The following TMEM232 variants were observed in gnomAD, a reference collection of about 807,000 sequenced individuals.
The protein encoded by TMEM232 is transmembrane protein 232.
TMEM232 carries 80 observed loss-of-function variants against 78.8 expected under a neutral mutation model. The observed-to-expected ratio is 1.01, with a 90% CI of 0.85 to 1.22. The LOEUF (loss-of-function observed/expected upper bound fraction) is 1.22, where lower values mean the gene tolerates loss of function less well. Among genes scored for constraint, TMEM232 ranks in the 50% most tolerant of loss-of-function variants. The probability of loss-of-function intolerance (pLI) is 0.00; values close to 1 mark genes in which losing one functional copy is unlikely to be tolerated. For synonymous variants in TMEM232, 297 were observed against 254.3 expected, an observed-to-expected ratio of 1.17 and a Z score of -1.60; for missense variants, 881 against 742.2, an observed-to-expected ratio of 1.19 and a Z score of -2.17.
intron 12 of TMEM232, among the ~76,000 whole-genome samples, chr5:110,493,825 A>G (rs767560061): frequency 6.6e-6 from 1 of 151,842 alleles, no homozygotes; most frequent in Non-Finnish European, 1.5e-5. Flanking sequence ...GTGCATGTGC[A>G]GAACATGCAG....
At chr5:110,639,137 T>C (rs1786317006) in intron 4 of TMEM232, among the ~76,000 whole-genome samples, 1 of 151,806 alleles carries the variant, frequency 6.6e-6, no homozygotes, top group South Asian at 2.1e-4. Context: ...AATGAGTAAG[T>C]AGGGAGGTAG....
At chr5:110,702,509 G>A (rs946920909) in intron 1 of TMEM232, among the ~76,000 whole-genome samples, 1 of 151,916 alleles carries the variant, frequency 6.6e-6, no homozygotes, top group African/African-American at 2.4e-5. Flanking sequence ...TTAGCAGACT[G>A]GATTCTTAAG....
chr5:110,638,977 G>T (rs1258250721), intron 4 of TMEM232, among the ~76,000 whole-genome samples: 4 of 152,094 alleles, frequency 2.6e-5, no homozygotes, highest in African/African-American at 9.7e-5. Context: ...AGAGCTAAGA[G>T]CCTAGAGAAA....
chr5:110,652,568 C>G (rs961374415), intron 2 of TMEM232, among the ~76,000 whole-genome samples: 3 of 152,042 alleles, frequency 2.0e-5, no homozygotes, highest in Non-Finnish European at 4.4e-5. Context: ...ACATGGAAAG[C>G]TAATTATTTT....
intron 10 of TMEM232, among the ~76,000 whole-genome samples, chr5:110,599,369 G>T (rs912614934): frequency 6.6e-6 from 1 of 152,076 alleles, no homozygotes; most frequent in Admixed American, 6.6e-5. Context: ...AAAAGACACC[G>T]ACTAGAAAAC....
At chr5:110,391,756 A>G (rs913509974) in intron 3 of TMEM232, among the ~76,000 whole-genome samples, 1 of 152,232 alleles carries the variant, frequency 6.6e-6, no homozygotes, top group African/African-American at 2.4e-5. Context: ...TGTCTTGACC[A>G]TAAAGATATT....
At chr5:110,501,970 T>C (rs1467992483) in intron 12 of TMEM232, among the ~76,000 whole-genome samples, 1 of 152,172 alleles carries the variant, frequency 6.6e-6, no homozygotes, top group Non-Finnish European at 1.5e-5. Flanking sequence ...ACTAGAAATT[T>C]TGTGATAATA....
chr5:110,479,096 T>G (rs1015769850), intron 12 of TMEM232, among the ~76,000 whole-genome samples: 18 of 151,576 alleles, frequency 1.2e-4, no homozygotes, highest in African/African-American at 3.4e-4. Context: ...TATATATAGC[T>G]TCGTGACTTC....
In TMEM232 at chr5:110,492,165, G is replaced by A. The variant is rs539609764; in HGVS notation, c.1703+36423C>T. Among the ~76,000 whole-genome samples the A allele has an allele frequency of 7.9e-5, 12 of 151,560 alleles. No individual in the cohort carries two copies. The South Asian group carries it at 1.2e-3, about 16-fold the overall frequency. On this transcript the variant is annotated intron_variant, in intron 12 of 13. Coordinates refer to ENST00000455884, the MANE Select transcript of TMEM232 (RefSeq NM_001039763.4). ...ACATGTATACACATGTAACAAACCC[G>A]CACATTGTGCACATGTACCCTAAAA...
At chr5:110,573,101 A>G (rs1293826900) in intron 10 of TMEM232, among the ~76,000 whole-genome samples, 1 of 152,078 alleles carries the variant, frequency 6.6e-6, no homozygotes, top group African/African-American at 2.4e-5. Context: ...GTTCTTAATA[A>G]ATTCAAAAAT....
chr5:110,415,199 T>A (rs1239819865), downstream of TMEM232, among the ~76,000 whole-genome samples: 1 of 151,764 alleles, frequency 6.6e-6, no homozygotes, highest in Non-Finnish European at 1.5e-5. Context: ...ACTTTTTTTT[T>A]TTTTTTGAGA....
rs371783850 is a variant in TMEM232, at chr5:110,618,493, G to T, written c.838C>A (p.Pro280Thr). 41 of 1,551,572 alleles carry T rather than the reference G, an allele frequency of 2.6e-5. No homozygotes were observed. The South Asian group carries it at 3.9e-4, about 15-fold the overall frequency. ...AAWSCVQNNS[P>T]QLNNVLEHLV... ...TGTTCAAGCACGTTATTCAACTGAGGACTGTTATTCTGAACACAAGACCAA... is the reference window on the plus strand; with the variant it reads ...TGTTCAAGCACGTTATTCAACTGAGTACTGTTATTCTGAACACAAGACCAA... The change falls in exon 8 of 14, where the codon CCT becomes ACT. Residue 280 changes from proline to threonine, a missense_variant. Physicochemically the swap from Pro to Thr is conservative, Grantham distance 38. Transcript: ENST00000455884.
intron 5 of TMEM232, among the ~76,000 whole-genome samples, chr5:110,636,133 CTA>C (rs1271620650): frequency 6.6e-6 from 1 of 151,830 alleles, no homozygotes; most frequent in Non-Finnish European, 1.5e-5. Context: ...CTGGGAGTCA[CTA>C]TGTTAAATGA....
intron 1 of TMEM232, among the ~76,000 whole-genome samples, chr5:110,687,846 G>A (rs2150210112): frequency 6.6e-6 from 1 of 152,132 alleles, no homozygotes; most frequent in East Asian, 1.9e-4. Context: ...TCATTTTGGG[G>A]TACCACACTT....
intron 10 of TMEM232, among the ~76,000 whole-genome samples, chr5:110,585,529 G>A (rs533878820): frequency 6.6e-5 from 10 of 152,232 alleles, no homozygotes; most frequent in African/African-American, 1.7e-4. Context: ...TTCTTAGACC[G>A]CAAAATATGC....
At chr5:110,675,186 A>G (rs1158650318) in intron 1 of TMEM232, among the ~76,000 whole-genome samples, 2 of 152,054 alleles carry the variant, frequency 1.3e-5, no homozygotes, top group Admixed American at 6.6e-5. Flanking sequence ...CTGGGATTAC[A>G]GGCGCACGTC....
chr5:110,434,952 C>T (rs75917983), intron 12 of TMEM232, among the ~76,000 whole-genome samples: 2,582 of 151,898 alleles, frequency 0.017, 65 homozygotes, highest in African/African-American at 0.059. Flanking sequence ...AAGGAACATC[C>T]CTCAAAACCC....
intron 13 of TMEM232, among the ~76,000 whole-genome samples, chr5:110,421,396 A>G (rs947971870): frequency 6.6e-6 from 1 of 151,790 alleles, no homozygotes; most frequent in Non-Finnish European, 1.5e-5. Context: ...AATGATAATC[A>G]ATCAAACATC....
intron 11 of TMEM232, among the ~76,000 whole-genome samples, chr5:110,558,460 T>C (rs1327498345): frequency 6.6e-6 from 1 of 152,046 alleles, no homozygotes; most frequent in Non-Finnish European, 1.5e-5. Context: ...TCTCCAATTA[T>C]TAGGCAGGGT....
Sources: allele counts gnomAD v4.1 joint callset (sites outside exome capture counted in the v4.1 genomes callset), GRCh38; gene constraint gnomAD v4.1.1; transcripts MANE v1.5; gene names NCBI Gene and HGNC (gene_info 2026-07-23, HGNC 2026-07-21).